The following DQX1 variants were observed in gnomAD, a reference collection of about 807,000 sequenced individuals.
DQX1 encodes ATP-dependent RNA helicase homolog DQX1.
Under a neutral mutation model 81.3 loss-of-function variants are expected in DQX1, and 66 were observed. The ratio of observed to expected loss-of-function variants is 0.81; its 90% CI spans 0.67 to 1.00. The LOEUF (loss-of-function observed/expected upper bound fraction) is 1.00, where lower values mean the gene tolerates loss of function less well. Among genes scored for constraint, DQX1 ranks in the 50% least tolerant of loss-of-function variants. The pLI, the probability that DQX1 is intolerant of heterozygous loss-of-function variation, is 0.00. For missense variants in DQX1, 798 were observed against 867.9 expected (o/e 0.92, Z 1.01); for synonymous variants, 290 against 350.0 (o/e 0.83, Z 1.91).
In DQX1 at chr2:74,520,041, G is replaced by A. The variant is rs1674987231; in HGVS notation, c.1496-7C>T. 1 of 1,610,294 alleles carries A rather than the reference G, an allele frequency of 6.2e-7. No homozygotes were observed. On this transcript the variant is annotated splice_region_variant and splice_polypyrimidine_tract_variant and intron_variant, in intron 8 of 11. Coordinates refer to ENST00000404568, the MANE Select transcript of DQX1 (RefSeq NM_133637.3). ...CGGGTAAACCCAGGGGCAGCTGGAG[G>A]CAGAAGAGTGGAAGGTAGAATCTGC...
Position 74,525,424 on chromosome 2 carries a change from C to G in DQX1, c.237+69G>C. On this transcript the variant is annotated intron_variant, in intron 2 of 11. Transcript: ENST00000404568. This position sits in a 1 kb window ranked among gnomAD's most constrained non-coding sequence, Gnocchi z 4.1. ...CTTGCCCAGGGAAAGGCCACTTTCC[C>G]TTTGTCCTCCCTTTGTCCTCCCTTT... 1 of 1,486,304 alleles carries G rather than the reference C, an allele frequency of 6.7e-7. No homozygotes were observed. Among genetic ancestry groups the G allele is most frequent in the East Asian group, 2.5e-5 (1 of 40,376 alleles). 92.1% of individuals were successfully genotyped at this position (1,486,304 alleles called of 1,614,324 possible).
Position 74,525,712 on chromosome 2 carries a change from G to A in DQX1, c.18C>T (p.Leu6=). The A allele has an allele frequency of 1.3e-6, 2 of 1,551,518 alleles. No individual in the cohort carries two copies. Among genetic ancestry groups the A allele is most frequent in the Non-Finnish European group, 1.7e-6 (2 of 1,146,902 alleles). The change falls in exon 2 of 12, where the codon CTC becomes CTT. Residue 6 remains leucine (L), a synonymous_variant. Coordinates refer to ENST00000404568, the MANE Select transcript of DQX1 (RefSeq NM_133637.3). The surrounding 1 kb of genome is among the most constrained non-coding windows in gnomAD (Gnocchi z 4.1). Reference sequence around the variant, plus strand: ...TTGGGCCATACTCTTCTGCTAGCCTGAGAGGCTGAGAGGTCATGGTGGCTC... The same window carrying A: ...TTGGGCCATACTCTTCTGCTAGCCTAAGAGGCTGAGAGGTCATGGTGGCTC... MTSQP[L]RLAEEYGPSP...
intron 5 of DQX1, 30 bp downstream of exon 5, chr2:74,523,280 A>G: frequency 6.2e-7 from 1 of 1,613,504 alleles, no homozygotes; most frequent in Non-Finnish European, 8.5e-7. Context: ...TGTCTTTACT[A>G]CCCCACCGCT....
Position 74,523,482 on chromosome 2 carries a change from T to C in DQX1, c.872A>G (p.Gln291Arg), listed in dbSNP as rs1447065511. 6.2e-7 allele frequency: 1 copy of C among 1,613,794 alleles called. No homozygotes were observed. Among genetic ancestry groups the C allele is most frequent in the Non-Finnish European group, 8.5e-7 (1 of 1,179,952 alleles). Residue 291 changes from glutamine to arginine, a missense_variant, in exon 5 of 12, where the codon CAA becomes CGA. Gln to Arg is a conservative substitution (Grantham distance 43). Transcript: ENST00000404568. ...GGGCAGTACTCGTGGTGGAAGCCCT[T>C]GGAGAAGCAAGGACTCTACCTCCCT... ...LSREVESLLL[Q>R]GLPPRVLPLH...
chr2:74,524,456 G>A, intron 3 of DQX1, 149 bp from the exon 4 acceptor site: 1 of 1,151,716 alleles, frequency 8.7e-7, no homozygotes, highest in Middle Eastern at 3.0e-4. Context: ...ACCCATAACT[G>A]TCACCCCACA....
intron 11 of DQX1, 106 bp from the exon 12 acceptor site, chr2:74,518,708 A>G: frequency 8.9e-7 from 1 of 1,123,196 alleles, no homozygotes; most frequent in Non-Finnish European, 1.3e-6. Context: ...GTTCAGTGGC[A>G]TGATCATAAC....
Position 74,525,361 on chromosome 2 carries a change from G to C in DQX1, c.237+132C>G. On this transcript the variant is annotated intron_variant, in intron 2 of 11. Coordinates refer to ENST00000404568, the MANE Select transcript of DQX1 (RefSeq NM_133637.3). The surrounding 1 kb of genome is among the most constrained non-coding windows in gnomAD (Gnocchi z 4.1). ...AACCTAACCCATCCCATCTCTCTTC[G>C]TTCACCTTCCTCATGACCCCACGCA... The C allele has an allele frequency of 8.0e-7, 1 of 1,250,796 alleles. No individual in the cohort carries two copies. The highest frequency in any genetic ancestry group is 1.1e-6 in the Non-Finnish European group (1 of 912,192). The allele number at this position is 1,250,796 out of a possible 1,614,324, so 77.5% of individuals were successfully genotyped here.
chr2:74,523,826 C>T, intron 4 of DQX1, 97 bp downstream of exon 4: 2 of 1,428,116 alleles, frequency 1.4e-6, no homozygotes, highest in Non-Finnish European at 1.8e-6. Context: ...AGGCATTGCT[C>T]CCATTCCCAT....
At position 74,525,099 on chromosome 2, in the gene DQX1, C is replaced by T. The variant is rs201030489; in HGVS notation, c.341G>A (p.Arg114Gln). The T allele has an allele frequency of 2.6e-4, 417 of 1,613,980 alleles. No homozygotes were observed. Among genetic ancestry groups the T allele is most frequent in the Non-Finnish European group, 3.0e-4 (349 of 1,180,010 alleles). ...YPLAARSLAL[R>Q]VADEMDLTLG... The stretch of plus-strand genomic sequence containing the variant: ...GGTCAGGTCCATCTCATCAGCAACC[C>T]GCAGAGCCAGGCTCCGGGCTGCAAG... Residue 114 changes from arginine (R) to glutamine (Q), a missense_variant, in exon 3 of 12, where the codon CGG (arginine) becomes CAG (glutamine). Physicochemically the swap from Arg to Gln is conservative, Grantham distance 43. Coordinates refer to ENST00000404568, the MANE Select transcript of DQX1 (RefSeq NM_133637.3). The surrounding 1 kb of genome is among the most constrained non-coding windows in gnomAD (Gnocchi z 4.1).
chr2:74,519,413 A>C (rs766665530), intron 10 of DQX1, 143 bp downstream of exon 10: 238 of 1,328,664 alleles, frequency 1.8e-4, no homozygotes, highest in Non-Finnish European at 2.3e-4. Context: ...TTGTACCTCA[A>C]ATCCTCAAGG....
rs759839507 is a variant in DQX1 at position 74,525,507 on chromosome 2, C to T, written c.223G>A (p.Gly75Ser). The change falls in exon 2 of 12, where the codon GGC (glycine) becomes AGC (serine). Residue 75 changes from glycine to serine, a missense_variant. By Grantham distance (56) the Gly-to-Ser change is moderately conservative. Coordinates refer to ENST00000404568, the MANE Select transcript of DQX1 (RefSeq NM_133637.3). This position sits in a 1 kb window ranked among gnomAD's most constrained non-coding sequence, Gnocchi z 4.1. ...CCCCACCACACCTGGGTGCTCTTGC[C>T]AGAACCAGGCTCCCCAGACACCAGC... ...VVLVSGEPGSGKSTQIPQWCA... is the reference protein window; with the variant it reads ...VVLVSGEPGSSKSTQIPQWCA... The T allele has an allele frequency of 6.4e-7, 1 of 1,552,158 alleles. No homozygotes were observed. Among genetic ancestry groups the T allele is most frequent in the African/African-American group, 1.4e-5 (1 of 73,056 alleles).
intron 8 of DQX1, 50 bp from the exon 9 acceptor site, chr2:74,520,084 G>A (rs1325705305): frequency 6.3e-7 from 1 of 1,595,862 alleles, no homozygotes; most frequent in South Asian, 1.1e-5. Flanking sequence ...GAAATGGGAA[G>A]GGATAGTAGT....
intron 3 of DQX1, 129 bp downstream of exon 3, chr2:74,524,880 C>T: frequency 8.0e-7 from 1 of 1,242,806 alleles, no homozygotes; most frequent in Non-Finnish European, 1.1e-6. Context: ...GAGACCCTTT[C>T]TCCAAAATAA....
Position 74,525,820 on chromosome 2 carries a change from C to T in DQX1, c.-19-72G>A. On this transcript the variant is annotated intron_variant, in intron 1 of 11. Coordinates refer to ENST00000404568, the MANE Select transcript of DQX1 (RefSeq NM_133637.3). The surrounding 1 kb of genome is among the most constrained non-coding windows in gnomAD (Gnocchi z 4.1). The stretch of plus-strand genomic sequence containing the variant: ...CCATCTTCCCACCTCAGCCCTGATC[C>T]TTAACCTCTACCTTCAGTTGATCAT... 9.2e-7 allele frequency: 1 copy of T among 1,082,290 alleles called. No individual in the cohort carries two copies. The highest frequency in any genetic ancestry group is 2.6e-5 in the East Asian group (1 of 38,546). 67.0% of individuals were successfully genotyped at this position (1,082,290 alleles called of 1,614,324 possible).
In DQX1 at chr2:74,522,971, T is replaced by G. The variant is rs1256627568; in HGVS notation, c.1188A>C (p.Glu396Asp). Residue 396 changes from glutamate (E) to aspartate (D), a missense_variant, in exon 7 of 12, where the codon GAA becomes GAC. Transcript: ENST00000404568. ...CLYPKSFLEL[E>D]APPLPQPRVC... Reference sequence around the variant, plus strand: ...CCCTGGGTTGTGGCAATGGTGGAGCTTCTAGTTCTAAGAAGGACTTAGGAT... The same window carrying G: ...CCCTGGGTTGTGGCAATGGTGGAGCGTCTAGTTCTAAGAAGGACTTAGGAT... 4 of 1,613,956 alleles carry G rather than the reference T, an allele frequency of 2.5e-6. No individual in the cohort carries two copies. In the African/African-American group the frequency reaches 5.3e-5, roughly 22 times the overall value.
Position 74,524,286 on chromosome 2 carries a change from A to G in DQX1, c.453T>C (p.Leu151=), listed in dbSNP as rs1203514856. 7 of 1,612,598 alleles carry G rather than the reference A, an allele frequency of 4.3e-6. No individual in the cohort carries two copies. The Admixed American group carries it at 8.3e-5, about 19-fold the overall frequency. The part of the protein sequence containing the change: ...TLLRFCWDRL[L]LQEVASTRGT... ...CTCGGGTCGAGGCCACCTCCTGCAG[A>G]AGCAGCCTGTCCCAGCAGAACCTGT... The change falls in exon 4 of 12, where the codon CTT becomes CTC. Residue 151 remains leucine (L), a synonymous_variant. Transcript: ENST00000404568.
intron 8 of DQX1, among the ~76,000 whole-genome samples, chr2:74,522,221 G>A (rs1473499549): frequency 6.6e-6 from 1 of 152,212 alleles, no homozygotes; most frequent in Non-Finnish European, 1.5e-5. Flanking sequence ...TGAGTTGAAA[G>A]CTGTTTCACT....
chr2:74,519,465 C>T (rs1674969639), intron 10 of DQX1, 91 bp downstream of exon 10: 33 of 1,519,398 alleles, frequency 2.2e-5, no homozygotes, highest in Non-Finnish European at 2.6e-5. Flanking sequence ...TGAATGGCCA[C>T]CTGGACCCTG....
chr2:74,524,035 A>G lies in DQX1; in HGVS notation c.704T>C (p.Ile235Thr), dbSNP rs1490650528. 9 of 1,614,070 alleles carry G rather than the reference A, an allele frequency of 5.6e-6. No homozygotes were observed. The Admixed American group carries it at 1.5e-4, about 27-fold the overall frequency. The change falls in exon 4 of 12, where the codon ATC (isoleucine) becomes ACC (threonine). Residue 235 changes from isoleucine (I) to threonine (T), a missense_variant. Transcript: ENST00000404568. ...PREPGERPSPIYWDTIPPDRV... is the reference protein window; with the variant it reads ...PREPGERPSPTYWDTIPPDRV... Reference sequence around the variant, plus strand: ...ATCAGGTGGGATGGTGTCCCAGTAGATGGGGGAAGGTCTCTCACCAGGCTC... The same window carrying G: ...ATCAGGTGGGATGGTGTCCCAGTAGGTGGGGGAAGGTCTCTCACCAGGCTC...
Sources: gnomAD v4.1 joint callset for allele counts (sites outside exome capture counted in the v4.1 genomes callset) on GRCh38, gnomAD v4.1.1 for gene constraint, Gnocchi (gnomAD v3.1) non-coding constraint, MANE v1.5 for transcripts, NCBI Gene and HGNC (gene_info 2026-07-23, HGNC 2026-07-21) for gene names.